The following ANK1 variants were observed in gnomAD, a reference collection of about 807,000 sequenced individuals.
ANK1 encodes the protein ankyrin-1.
A neutral mutation model predicts 210.4 loss-of-function variants in ANK1; 51 were observed. The ratio of observed to expected loss-of-function variants is 0.24; its 90% CI spans 0.19 to 0.31. ANK1 has a LOEUF of 0.31. Ranked by LOEUF, ANK1 falls within the 10% of genes least tolerant of loss-of-function variation. ANK1 has a pLI of 1.00. For missense variants in ANK1, 2,051 were observed against 2,504.4 expected (o/e 0.82, Z 3.86); for synonymous variants, 967 against 1,025.9 (o/e 0.94, Z 1.10).
At chr8:41,896,642 G>T in exon 1 of ANK1, 2 of 992,920 alleles carry the variant, frequency 2.0e-6, no homozygotes, top group Non-Finnish European at 2.6e-6. Context: ...GGAAGGCGAA[G>T]GCAGTTCCGG....
chr8:41,821,394 G>A (rs183886073), intron 1 of ANK1, among the ~76,000 whole-genome samples: 2 of 152,080 alleles, frequency 1.3e-5, no homozygotes, highest in African/African-American at 2.4e-5. Flanking sequence ...ATCTGTGTAC[G>A]TGGTCATCTC....
In ANK1 at chr8:41,672,879, G is replaced by C; in HGVS notation, c.4571C>G (p.Pro1524Arg). The C allele has an allele frequency of 1.9e-6, 3 of 1,605,834 alleles. No homozygotes were observed. Among genetic ancestry groups the C allele is most frequent in the Non-Finnish European group, 1.7e-6 (2 of 1,179,934 alleles). ...YSSLQDELLS[P>R]ASLGCALSSP... ...GGAAAGTGCACAGCCCAGGGAGGCAGGGGACAGCAGCTCGTCCTGCAGTGA... is the reference window on the plus strand; with the variant it reads ...GGAAAGTGCACAGCCCAGGGAGGCACGGGACAGCAGCTCGTCCTGCAGTGA... Residue 1524 changes from proline to arginine, a missense_variant, in exon 38 of 43, where the codon CCT (proline) becomes CGT (arginine). By Grantham distance (103) the Pro-to-Arg change is moderately radical. Transcript: ENST00000289734.
intron 1 of ANK1, among the ~76,000 whole-genome samples, chr8:41,781,683 T>G (rs1030838463): frequency 1.3e-5 from 2 of 152,180 alleles, no homozygotes; most frequent in Non-Finnish European, 2.9e-5. Flanking sequence ...CACTGGAGTC[T>G]GCACAGATGG....
chr8:41,663,889 G>C (rs1809422145), intron 39 of ANK1, 147 bp from the exon 40 acceptor site: 1 of 732,436 alleles, frequency 1.4e-6, no homozygotes, highest in Non-Finnish European at 2.4e-6. Flanking sequence ...GCATGTAGCA[G>C]GAGCCATGCC....
rs532221541 is a variant in ANK1, at chr8:41,680,674, G to T, written c.4537+3870C>A. On this transcript the variant is annotated intron_variant, in intron 37 of 42. Coordinates refer to ENST00000289734, the MANE Select transcript of ANK1 (RefSeq NM_000037.4). ...GTCCTTCCCTGGTAACAGCATTTAG[G>T]GTACATGCCCAGCTGCTCCCTCTCC... is the stretch of plus-strand genomic sequence containing the variant. Among the ~76,000 whole-genome samples, 12 of 152,184 alleles carry T rather than the reference G, an allele frequency of 7.9e-5. No individual in the cohort carries two copies. The East Asian group carries it at 2.1e-3, about 27-fold the overall frequency.
At position 41,674,268 on chromosome 8, in the gene ANK1, T is replaced by A. The variant is rs186261717; in HGVS notation, c.4538-1356A>T. Among the ~76,000 whole-genome samples the A allele has an allele frequency of 6.6e-5, 10 of 152,300 alleles. No homozygotes were observed. In the East Asian group the frequency reaches 1.9e-3, roughly 29 times the overall value. ...TCCGATTACATGCCAGGCACTGTGC[T>A]ATGGGAATGGGGATGACAAACCCCA... On this transcript the variant is annotated intron_variant, in intron 37 of 42. Transcript: ENST00000289734.
At chr8:41,861,337 T>G (rs1416998018) in intron 1 of ANK1, among the ~76,000 whole-genome samples, 29 of 152,200 alleles carry the variant, frequency 1.9e-4, no homozygotes, top group Non-Finnish European at 5.9e-5. Flanking sequence ...ATATGCTCCA[T>G]GACGAAAGGG....
At chr8:41,752,921 T>C (rs1052374560) in intron 2 of ANK1, among the ~76,000 whole-genome samples, 3 of 152,050 alleles carry the variant, frequency 2.0e-5, no homozygotes, top group Non-Finnish European at 4.4e-5. Context: ...CTTTCCTCTA[T>C]GCTCGGGAGA....
intron 1 of ANK1, among the ~76,000 whole-genome samples, chr8:41,787,397 G>T (rs1009779856): frequency 2.0e-5 from 3 of 152,192 alleles, no homozygotes; most frequent in Non-Finnish European, 4.4e-5. Context: ...TCCTAGGTCA[G>T]ACCCTGCCAC....
At chr8:41,661,680 AGAGAGACTG>A in intron 41 of ANK1, 116 bp from the exon 42 acceptor site, 1 of 1,599,296 alleles carries the variant, frequency 6.3e-7, no homozygotes, top group African/African-American at 1.3e-5. Flanking sequence ...ACCAGGGAGA[AGAGAGACTG>A]GAGAGAGAGC....
intron 33 of ANK1, 111 bp downstream of exon 33, chr8:41,690,116 A>C (rs1460871458): frequency 6.5e-7 from 1 of 1,537,556 alleles, no homozygotes; most frequent in African/African-American, 1.4e-5. Flanking sequence ...GGGGGACTCT[A>C]AGCTTCCACC....
chr8:41,736,177 G>A (rs1046078918), intron 2 of ANK1, among the ~76,000 whole-genome samples: 8 of 152,198 alleles, frequency 5.3e-5, no homozygotes, highest in Non-Finnish European at 1.2e-4. Context: ...AGGGCCAGAT[G>A]GGAATCCAGG....
chr8:41,697,766 C>T (rs1424660621), intron 24 of ANK1: 1 of 527,888 alleles, frequency 1.9e-6, no homozygotes, highest in African/African-American at 1.9e-5. Context: ...GGTCAAGGAC[C>T]CACTGGTTTC....
chr8:41,741,272 ACCC>A (rs1465216491), intron 2 of ANK1, among the ~76,000 whole-genome samples: 2 of 151,882 alleles, frequency 1.3e-5, no homozygotes, highest in Non-Finnish European at 2.9e-5. Flanking sequence ...TCCTCCCTCC[ACCC>A]CTGCCTGCAC....
At chr8:41,671,829 G>C (rs1812475608) in intron 38 of ANK1, among the ~76,000 whole-genome samples, 1 of 139,556 alleles carries the variant, frequency 7.2e-6, no homozygotes, top group African/African-American at 2.8e-5. Context: ...GTCCCTAAGT[G>C]AGTCCTCCCG....
chr8:41,665,644 A>C, intron 39 of ANK1: 2 of 233,620 alleles, frequency 8.6e-6, no homozygotes, highest in Non-Finnish European at 8.6e-6. Flanking sequence ...ACCAGCTAAT[A>C]CCCTGGGTAC....
intron 33 of ANK1, 88 bp from the exon 34 acceptor site, chr8:41,688,677 G>A: frequency 8.3e-7 from 1 of 1,206,928 alleles, no homozygotes. Context: ...GCAGGGGTGT[G>A]GAAGGCTGAC....
intron 9 of ANK1, among the ~76,000 whole-genome samples, chr8:41,721,382 C>T (rs1586442777): frequency 6.6e-6 from 1 of 152,128 alleles, no homozygotes. Context: ...CCCTGCCAGG[C>T]ACTGTAGCTC....
At chr8:41,661,390 A>G in intron 42 of ANK1, 40 bp downstream of exon 42, 1 of 1,611,422 alleles carries the variant, frequency 6.2e-7, no homozygotes, top group East Asian at 2.2e-5. Context: ...ACTCCACTGA[A>G]GACCAGGCCA....
Sources: gnomAD v4.1 joint callset for allele counts (sites outside exome capture counted in the v4.1 genomes callset) on GRCh38, gnomAD v4.1.1 for gene constraint, MANE v1.5 for transcripts, NCBI Gene and HGNC (gene_info 2026-07-23, HGNC 2026-07-21) for gene names.